The following CCDC178 variants were observed in gnomAD, a reference collection of about 807,000 sequenced individuals.
The protein encoded by CCDC178 is coiled-coil domain-containing protein 178.
CCDC178 carries 126 observed loss-of-function variants against 117.4 expected under a neutral mutation model. The observed-to-expected ratio is 1.07, with a 90% CI of 0.93 to 1.24. The LOEUF is 1.24. Among genes scored for constraint, CCDC178 ranks in the 50% most tolerant of loss-of-function variants. The probability of loss-of-function intolerance (pLI) is 0.00; values close to 1 mark genes in which losing one functional copy is unlikely to be tolerated. For synonymous variants in CCDC178, 283 were observed against 313.4 expected, an observed-to-expected ratio of 0.90 and a Z score of 1.02; for missense variants, 1,030 against 986.9, an observed-to-expected ratio of 1.04 and a Z score of -0.59.
chr18:32,966,067 T>C (rs910297330), intron 22 of CCDC178, among the ~76,000 whole-genome samples: 2 of 151,332 alleles, frequency 1.3e-5, no homozygotes, highest in African/African-American at 4.8e-5. Flanking sequence ...CAACATTTTA[T>C]ATTTTAAAAA....
intron 14 of CCDC178, among the ~76,000 whole-genome samples, chr18:33,264,841 A>G (rs925824383): frequency 1.3e-5 from 2 of 152,096 alleles, no homozygotes; most frequent in Non-Finnish European, 2.9e-5. Context: ...TCCCTCTATT[A>G]CCAGCTAAAT....
chr18:33,338,173 A>G (rs1421364620), intron 9 of CCDC178, among the ~76,000 whole-genome samples: 2 of 152,212 alleles, frequency 1.3e-5, no homozygotes, highest in Non-Finnish European at 2.9e-5. Context: ...ACTAATTATC[A>G]GGGAAATGCA....
intron 15 of CCDC178, among the ~76,000 whole-genome samples, chr18:33,227,581 C>T (rs573915287): frequency 8.6e-4 from 120 of 139,244 alleles, no homozygotes; most frequent in Middle Eastern, 3.7e-3. Flanking sequence ...TATATATATA[C>T]ACACACACAC....
At chr18:32,979,880 T>C (rs2053678332) in intron 21 of CCDC178, among the ~76,000 whole-genome samples, 1 of 152,136 alleles carries the variant, frequency 6.6e-6, no homozygotes, top group Admixed American at 6.5e-5. Flanking sequence ...GAGCATTTGA[T>C]CAGCAAAGAG....
At chr18:33,327,638 A>C (rs1437334630) in intron 10 of CCDC178, among the ~76,000 whole-genome samples, 2 of 152,040 alleles carry the variant, frequency 1.3e-5, no homozygotes, top group Non-Finnish European at 2.9e-5. Context: ...TTTTAATCCT[A>C]TCCTAATGGG....
intron 21 of CCDC178, among the ~76,000 whole-genome samples, chr18:33,041,110 T>C (rs184528267): frequency 5.9e-5 from 9 of 152,034 alleles, no homozygotes; most frequent in African/African-American, 1.4e-4. Context: ...AGTTTTTTAG[T>C]AACTATTGTT....
chr18:33,006,411 CTT>C (rs2055751093), intron 21 of CCDC178, among the ~76,000 whole-genome samples: 1 of 152,012 alleles, frequency 6.6e-6, no homozygotes, highest in African/African-American at 2.4e-5. Context: ...TAAATTTAAA[CTT>C]AAAGTTACTA....
chr18:32,947,770 C>T (rs1046720743), intron 22 of CCDC178, among the ~76,000 whole-genome samples: 1 of 152,058 alleles, frequency 6.6e-6, no homozygotes, highest in African/African-American at 2.4e-5. Flanking sequence ...GTACATAAGA[C>T]ATCTTTGCCA....
At position 33,226,821 on chromosome 18, in the gene CCDC178, C is replaced by T. The variant is rs757975403; in HGVS notation, c.1628G>A (p.Gly543Asp). 5 of 1,600,030 alleles carry T rather than the reference C, an allele frequency of 3.1e-6. No homozygotes were observed. The highest frequency in any genetic ancestry group is 3.4e-6 in the Non-Finnish European group (4 of 1,171,580). ...REEFLKKLTQGEVAAGMVLQK... is the reference protein window; with the variant it reads ...REEFLKKLTQDEVAAGMVLQK... ...AAGCACCATTCCAGCAGCCACTTCA[C>T]CTTGAGTGAGTTTTTTCAGGAATTC... The change falls in exon 16 of 23, where the codon GGT becomes GAT. Residue 543 changes from glycine (G) to aspartate (D), a missense_variant. Transcript: ENST00000383096.
At chr18:33,388,550 C>T (rs1221835714) in intron 5 of CCDC178, among the ~76,000 whole-genome samples, 3 of 4,140 alleles carry the variant, frequency 7.2e-4, no homozygotes, top group East Asian at 0.011. Flanking sequence ...GACGGAGTCT[C>T]GCTCTGTCGC....
At chr18:33,316,912 G>T (rs556532211) in intron 11 of CCDC178, among the ~76,000 whole-genome samples, 1 of 151,862 alleles carries the variant, frequency 6.6e-6, no homozygotes, top group African/African-American at 2.4e-5. Flanking sequence ...AATCTAGTGG[G>T]GACATGGAGA....
intron 22 of CCDC178, among the ~76,000 whole-genome samples, chr18:32,963,846 G>A (rs969106081): frequency 3.3e-5 from 5 of 151,958 alleles, no homozygotes; most frequent in Non-Finnish European, 7.4e-5. Context: ...CTAGCAAAAT[G>A]CCTTTCATAT....
At position 33,333,096 on chromosome 18, in the gene CCDC178, T is replaced by C. The variant is rs373412723; in HGVS notation, c.879+78A>G. On this transcript the variant is annotated intron_variant, in intron 10 of 22. Transcript: ENST00000383096. ...AAAAAAAAAAAAACCTTTAAAGCTGTGTTAATTTCTTATGGTTGAAAAGTT... is the reference window on the plus strand; with the variant it reads ...AAAAAAAAAAAAACCTTTAAAGCTGCGTTAATTTCTTATGGTTGAAAAGTT... 1.1e-4 allele frequency: 82 copies of C among 758,486 alleles called. No homozygotes were observed. The African/African-American group carries it at 1.3e-3, about 12-fold the overall frequency. The allele number at this position is 758,486 out of a possible 1,614,324, so 47.0% of individuals were successfully genotyped here. A position where few individuals can be genotyped will look rare whatever the true frequency, so the allele number is the denominator to read the frequency against.
rs141705181 is a variant in CCDC178 at position 33,267,259 on chromosome 18, C to G, written c.1215G>C (p.Trp405Cys). 5.6e-5 allele frequency: 90 copies of G among 1,605,292 alleles called. No homozygotes were observed. The African/African-American group carries it at 1.2e-3, about 21-fold the overall frequency. Reference protein sequence around the residue: ...DLRRVYDQLTWKQKSHENQYL... With the variant: ...DLRRVYDQLTCKQKSHENQYL... ...ACTGATTTTCATGACTTTTTTGCTT[C>G]CAGGTTAGTTGGTCATAAACTCTTC... The change falls in exon 13 of 23, where the codon TGG (tryptophan) becomes TGC (cysteine). Residue 405 changes from tryptophan (W) to cysteine (C), a missense_variant. Transcript: ENST00000383096.
At chr18:33,313,655 G>T (rs1441518804) in intron 11 of CCDC178, among the ~76,000 whole-genome samples, 1 of 152,102 alleles carries the variant, frequency 6.6e-6, no homozygotes, top group Non-Finnish European at 1.5e-5. Context: ...TACAACTTCA[G>T]GGAGCTCTCA....
chr18:33,417,583 C>T (rs745314111), intron 2 of CCDC178, among the ~76,000 whole-genome samples: 5 of 151,436 alleles, frequency 3.3e-5, no homozygotes, highest in Non-Finnish European at 2.9e-5. Context: ...CAAGTATTAC[C>T]GCTGAAATCT....
chr18:33,337,579 A>G (rs2062757953), intron 9 of CCDC178, among the ~76,000 whole-genome samples: 1 of 152,124 alleles, frequency 6.6e-6, no homozygotes, highest in Non-Finnish European at 1.5e-5. Flanking sequence ...GACCAATGGA[A>G]CAGAATAGAG....
In CCDC178 at chr18:33,381,895, C is replaced by T. The variant is rs1301589189; in HGVS notation, c.208+7645G>A. 3.3e-5 allele frequency among the ~76,000 whole-genome samples: 5 copies of T among 151,650 alleles called. No individual in the cohort carries two copies. In the East Asian group the frequency reaches 9.7e-4, roughly 29 times the overall value. ...TCCTTCATATATTTTATTTGGCCTACAAGATTTTACACTTTTTGTGAGGGT... is the reference window on the plus strand; with the variant it reads ...TCCTTCATATATTTTATTTGGCCTATAAGATTTTACACTTTTTGTGAGGGT... On this transcript the variant is annotated intron_variant, in intron 5 of 22. Transcript: ENST00000383096.
intron 4 of CCDC178, among the ~76,000 whole-genome samples, chr18:33,391,060 G>A (rs1179159403): frequency 6.6e-6 from 1 of 150,462 alleles, no homozygotes; most frequent in African/African-American, 2.4e-5. Flanking sequence ...ATAAAAGATA[G>A]TGCTAATCAA....
Sources: gnomAD v4.1 joint callset for allele counts (sites outside exome capture counted in the v4.1 genomes callset) on GRCh38, gnomAD v4.1.1 for gene constraint, MANE v1.5 for transcripts, NCBI Gene and HGNC (gene_info 2026-07-23, HGNC 2026-07-21) for gene names.